The following TENM3 variants were observed in gnomAD, a reference collection of about 807,000 sequenced individuals.
TENM3 encodes teneurin transmembrane protein 3, also known as teneurin-3.
TENM3 carries 63 observed loss-of-function variants against 255.1 expected under a neutral mutation model. The observed-to-expected ratio is 0.25, with a 90% CI of 0.20 to 0.30. The LOEUF is 0.30. Among genes scored for constraint, TENM3 ranks in the 10% least tolerant of loss-of-function variants. The pLI is 1.00. For missense variants in TENM3, 2,929 were observed against 3,461.1 expected (o/e 0.85, Z 3.86); for synonymous variants, 1,306 against 1,322.3 (o/e 0.99, Z 0.27).
chr4:182,711,290 G>A (rs1287246147), intron 12 of TENM3, among the ~76,000 whole-genome samples: 1 of 152,190 alleles, frequency 6.6e-6, no homozygotes, highest in Non-Finnish European at 1.5e-5. Flanking sequence ...TTATAAAGGA[G>A]AATGTTGAAA....
intron 3 of TENM3, among the ~76,000 whole-genome samples, chr4:182,569,510 C>T (rs1744141035): frequency 2.7e-5 from 4 of 150,926 alleles, no homozygotes; most frequent in East Asian, 3.9e-4. Context: ...GCCAATATTG[C>T]GCCACTGCAC....
chr4:182,131,187 G>A, the TENM3 span, among the ~76,000 whole-genome samples: 1 of 152,150 alleles, frequency 6.6e-6, no homozygotes, highest in Non-Finnish European at 1.5e-5. Context: ...CAGACAAAGA[G>A]ATTGCTTTCT....
intron 1 of TENM3, among the ~76,000 whole-genome samples, chr4:182,209,353 G>T (rs1379985962): frequency 6.6e-6 from 1 of 150,484 alleles, no homozygotes; most frequent in African/African-American, 2.4e-5. Context: ...CACACTCAAG[G>T]CAGGTGCTTC....
At chr4:181,924,617 T>C in the TENM3 span, among the ~76,000 whole-genome samples, 5 of 152,360 alleles carry the variant, frequency 3.3e-5, no homozygotes, top group South Asian at 1.0e-3. Flanking sequence ...AACATGTATA[T>C]ACCTGAATAA....
At chr4:181,907,535 A>G in the TENM3 span, among the ~76,000 whole-genome samples, 1 of 152,206 alleles carries the variant, frequency 6.6e-6, no homozygotes. Flanking sequence ...GTGGTTGTAA[A>G]TCCTGGCCAG....
At chr4:181,861,808 G>A in the TENM3 span, among the ~76,000 whole-genome samples, 2 of 152,102 alleles carry the variant, frequency 1.3e-5, no homozygotes, top group East Asian at 3.9e-4. Flanking sequence ...ACGTACCCCA[G>A]TTATTTTAAG....
the TENM3 span, among the ~76,000 whole-genome samples, chr4:181,635,235 C>T: frequency 6.6e-6 from 1 of 152,112 alleles, no homozygotes; most frequent in Non-Finnish European, 1.5e-5. Context: ...GTAATTATTA[C>T]ATAATTAATA....
chr4:182,760,204 T>C (rs1413863032), intron 22 of TENM3, among the ~76,000 whole-genome samples: 1 of 152,120 alleles, frequency 6.6e-6, no homozygotes, highest in Non-Finnish European at 1.5e-5. Flanking sequence ...TCACACCACT[T>C]AAAAACAGTG....
At chr4:182,216,191 G>T (rs1023345291) in intron 1 of TENM3, among the ~76,000 whole-genome samples, 1 of 152,182 alleles carries the variant, frequency 6.6e-6, no homozygotes, top group African/African-American at 2.4e-5. Context: ...CAGAATGTGT[G>T]GTTTCCAGCT....
intron 1 of TENM3, among the ~76,000 whole-genome samples, chr4:182,202,932 CA>C (rs1294559971): frequency 6.6e-6 from 1 of 152,042 alleles, no homozygotes; most frequent in Non-Finnish European, 1.5e-5. Context: ...AAAATGGGCT[CA>C]GGCCGGGTGC....
At chr4:181,909,635 T>C in the TENM3 span, among the ~76,000 whole-genome samples, 2 of 150,486 alleles carry the variant, frequency 1.3e-5, no homozygotes, top group Non-Finnish European at 3.0e-5. Context: ...TATCATCTAG[T>C]AATGATTTTT....
chr4:181,894,307 C>T, the TENM3 span, among the ~76,000 whole-genome samples: 8 of 152,036 alleles, frequency 5.3e-5, no homozygotes, highest in African/African-American at 1.9e-4. Context: ...TGAGGGCTAG[C>T]GAGAAAAGTA....
the TENM3 span, among the ~76,000 whole-genome samples, chr4:182,127,392 C>T: frequency 6.6e-6 from 1 of 152,090 alleles, no homozygotes; most frequent in African/African-American, 2.4e-5. Context: ...TATTAACATA[C>T]ACATTAATAT....
At chr4:181,464,286 A>G in the TENM3 span, among the ~76,000 whole-genome samples, 1 of 152,196 alleles carries the variant, frequency 6.6e-6, no homozygotes, top group South Asian at 2.1e-4. Context: ...CAGGGGTTCC[A>G]ATGTCTTCAT....
chr4:181,974,746 C>A, the TENM3 span, among the ~76,000 whole-genome samples: 1 of 152,154 alleles, frequency 6.6e-6, no homozygotes, highest in Non-Finnish European at 1.5e-5. Flanking sequence ...AAACACTGAG[C>A]AGAACTGATA....
chr4:182,608,105 G>A (rs551196392), intron 4 of TENM3, among the ~76,000 whole-genome samples: 1 of 152,268 alleles, frequency 6.6e-6, no homozygotes, highest in East Asian at 1.9e-4. Context: ...GTAAAAGTAT[G>A]TCTCAGTCCT....
intron 3 of TENM3, among the ~76,000 whole-genome samples, chr4:182,576,086 G>A (rs958995763): frequency 2.0e-5 from 3 of 152,112 alleles, no homozygotes; most frequent in African/African-American, 7.2e-5. Flanking sequence ...AAATCCACTC[G>A]ATGAGATTTT....
chr4:182,606,242 G>A (rs1047414532), intron 4 of TENM3, among the ~76,000 whole-genome samples: 1 of 152,294 alleles, frequency 6.6e-6, no homozygotes, highest in Admixed American at 6.5e-5. Flanking sequence ...AGAGGTAGCA[G>A]GCCGGGCGTG....
the TENM3 span, among the ~76,000 whole-genome samples, chr4:181,771,582 C>T: frequency 6.6e-6 from 1 of 152,166 alleles, no homozygotes; most frequent in Non-Finnish European, 1.5e-5. Context: ...TCAGAGATGC[C>T]CGGCAGACAA....
Sources: allele counts gnomAD v4.1 joint callset (sites outside exome capture counted in the v4.1 genomes callset), GRCh38; gene constraint gnomAD v4.1.1; transcripts MANE v1.5; gene names NCBI Gene and HGNC (gene_info 2026-07-23, HGNC 2026-07-21).